Variants in AFDN observed in about 807,000 individuals in gnomAD.
AFDN encodes afadin.
A neutral mutation model predicts 216.6 loss-of-function variants in AFDN; 68 were observed. The observed-to-expected ratio is 0.31, with a 90% confidence interval of 0.26 to 0.38. The LOEUF (loss-of-function observed/expected upper bound fraction) is 0.38, where lower values mean the gene tolerates loss of function less well. Ranked by LOEUF, AFDN falls within the 10% of genes least tolerant of loss-of-function variation. AFDN has a pLI of 1.00. For synonymous variants in AFDN, 868 were observed against 853.7 expected, an observed-to-expected ratio of 1.02 and a Z score of -0.29; for missense variants, 2,136 against 2,342.0, an observed-to-expected ratio of 0.91 and a Z score of 1.82.
intron 32 of AFDN, among the ~76,000 whole-genome samples, chr6:167,966,784 G>A (rs1454809287): frequency 1.3e-5 from 2 of 152,222 alleles, no homozygotes; most frequent in East Asian, 3.8e-4. Context: ...TGTGGCCGGA[G>A]CATCCGCTAA....
chr6:167,910,710 C>T (rs1022501180), intron 13 of AFDN, among the ~76,000 whole-genome samples: 8 of 152,166 alleles, frequency 5.3e-5, no homozygotes, highest in Admixed American at 3.3e-4. Context: ...ATAAGAACTC[C>T]GTTTCAAGCT....
chr6:167,863,932 C>G (rs1027677801), intron 1 of AFDN: 1 of 356,406 alleles, frequency 2.8e-6, no homozygotes, highest in Non-Finnish European at 5.6e-6. Flanking sequence ...AATGGCAAAA[C>G]CCACAATTTT....
chr6:167,924,949 C>A (rs764114234), intron 22 of AFDN, 56 bp from the exon 23 acceptor site: 1 of 1,216,562 alleles, frequency 8.2e-7, no homozygotes, highest in Non-Finnish European at 1.2e-6. Context: ...GTTGTCTAAC[C>A]ATACAGAAGC....
chr6:167,883,060 A>G (rs560834142), intron 6 of AFDN, among the ~76,000 whole-genome samples: 1 of 152,174 alleles, frequency 6.6e-6, no homozygotes, highest in Non-Finnish European at 1.5e-5. Context: ...CATGTGCCCT[A>G]TCTCAAAAAA....
chr6:167,919,595 T>A (rs1390610619), intron 21 of AFDN, among the ~76,000 whole-genome samples: 1 of 152,264 alleles, frequency 6.6e-6, no homozygotes, highest in East Asian at 1.9e-4. Context: ...AGACCCAAAC[T>A]CCAGCATGTT....
At chr6:167,875,271 A>C in intron 4 of AFDN, 64 bp from the exon 5 acceptor site, 1 of 1,500,316 alleles carries the variant, frequency 6.7e-7, no homozygotes, top group Non-Finnish European at 9.1e-7. Context: ...GTGCGGTTGC[A>C]ATGTGTCTAT....
At chr6:167,956,806 C>G (rs946923841) in intron 30 of AFDN, among the ~76,000 whole-genome samples, 1 of 152,162 alleles carries the variant, frequency 6.6e-6, no homozygotes, top group Non-Finnish European at 1.5e-5. Context: ...ACAACCTGAC[C>G]AATCTCTGTG....
At chr6:167,911,221 T>C in intron 14 of AFDN, 59 bp downstream of exon 14, 1 of 1,601,944 alleles carries the variant, frequency 6.2e-7, no homozygotes, top group Non-Finnish European at 8.5e-7. Context: ...TTACTCCATC[T>C]GATTTTCACA....
At chr6:167,831,822 T>TG (rs1779861380) in intron 1 of AFDN, among the ~76,000 whole-genome samples, 1 of 152,226 alleles carries the variant, frequency 6.6e-6, no homozygotes, top group South Asian at 2.1e-4. Flanking sequence ...TTCTAGGTGT[T>TG]GGTTAATCTG....
At chr6:167,937,823 T>C (rs1221217263) in intron 23 of AFDN, among the ~76,000 whole-genome samples, 1 of 152,240 alleles carries the variant, frequency 6.6e-6, no homozygotes, top group Non-Finnish European at 1.5e-5. Context: ...CCATATATAA[T>C]GGGCATATCG....
At chr6:167,897,064 T>C in intron 10 of AFDN, 92 bp downstream of exon 10, 1 of 610,830 alleles carries the variant, frequency 1.6e-6, no homozygotes, top group Non-Finnish European at 2.8e-6. Context: ...AAAGAAGGAA[T>C]TATAATTACC....
At chr6:167,953,988 T>C (rs1288483078) in intron 30 of AFDN, among the ~76,000 whole-genome samples, 1 of 152,240 alleles carries the variant, frequency 6.6e-6, no homozygotes, top group African/African-American at 2.4e-5. Context: ...AAATTAGCCT[T>C]GTAGTATTTC....
chr6:167,964,819 G>C (rs1018190800), intron 31 of AFDN: 1 of 1,065,918 alleles, frequency 9.4e-7, no homozygotes, highest in Admixed American at 5.3e-5. Context: ...ACATTTACTC[G>C]AGGCAGTTTA....
intron 15 of AFDN, among the ~76,000 whole-genome samples, chr6:167,912,524 C>G (rs1020712908): frequency 6.6e-6 from 1 of 152,082 alleles, no homozygotes; most frequent in African/African-American, 2.4e-5. Flanking sequence ...GCTTCTTTTA[C>G]CCAAGTTAGG....
chr6:167,827,068 A>G lies in AFDN; in HGVS notation c.-65A>G. ...GGCGAGGGGCGCCGGGCCCCCGCGG[A>G]CCTGTCGTCCTCGGCCCGTCCTCCG... On this transcript the variant is annotated 5_prime_UTR_variant, in exon 1 of 34. Transcript: ENST00000683244. The G allele has an allele frequency of 1.2e-6, 1 of 825,932 alleles. No homozygotes were observed. The highest frequency in any genetic ancestry group is 1.5e-6 in the Non-Finnish European group (1 of 664,396). 51.2% of individuals were successfully genotyped at this position (825,932 alleles called of 1,614,324 possible).
intron 27 of AFDN, among the ~76,000 whole-genome samples, chr6:167,947,436 C>T (rs1795441465): frequency 6.6e-6 from 1 of 152,172 alleles, no homozygotes; most frequent in Non-Finnish European, 1.5e-5. Context: ...GCCTTGGCCT[C>T]CCAAAGTGCT....
At chr6:167,960,350 G>A (rs1583059984) in intron 30 of AFDN, among the ~76,000 whole-genome samples, 1 of 151,988 alleles carries the variant, frequency 6.6e-6, no homozygotes, top group Non-Finnish European at 1.5e-5. Context: ...GAAGAATAGA[G>A]GTTTTTAAGA....
At chr6:167,831,677 G>C (rs539775475) in intron 1 of AFDN, among the ~76,000 whole-genome samples, 2 of 152,218 alleles carry the variant, frequency 1.3e-5, no homozygotes, top group Non-Finnish European at 2.9e-5. Flanking sequence ...ACTAGCAGAA[G>C]TGGGTCTTTC....
chr6:167,861,381 C>T (rs1395237462), intron 1 of AFDN, among the ~76,000 whole-genome samples: 6 of 152,148 alleles, frequency 3.9e-5, no homozygotes, highest in Non-Finnish European at 7.4e-5. Context: ...CTTGGTAGAA[C>T]CTGGAACATT....
Sources: gnomAD v4.1 joint callset for allele counts (sites outside exome capture counted in the v4.1 genomes callset) on GRCh38, gnomAD v4.1.1 for gene constraint, MANE v1.5 for transcripts, NCBI Gene and HGNC (gene_info 2026-07-23, HGNC 2026-07-21) for gene names.